SNX29: variants seen among roughly 807,000 people sequenced by gnomAD.
The protein encoded by SNX29 is sorting nexin-29.
SNX29 carries 78 observed loss-of-function variants against 102.1 expected under a neutral mutation model. The observed-to-expected ratio is 0.76, with a 90% CI of 0.64 to 0.92. SNX29 has a LOEUF of 0.92. Among genes scored for constraint, SNX29 ranks in the 40% least tolerant of loss-of-function variants. The probability of loss-of-function intolerance (pLI) is 0.00; values close to 1 mark genes in which losing one functional copy is unlikely to be tolerated. For synonymous variants in SNX29, 580 were observed against 414.5 expected, an observed-to-expected ratio of 1.40 and a Z score of -4.85; for missense variants, 1,280 against 1,061.7, an observed-to-expected ratio of 1.21 and a Z score of -2.86.
At chr16:12,154,360 G>A (rs532300632) in intron 13 of SNX29, among the ~76,000 whole-genome samples, 3 of 152,184 alleles carry the variant, frequency 2.0e-5, no homozygotes. Flanking sequence ...CCCACAGTGG[G>A]AGCTGGCTTC....
intron 13 of SNX29, among the ~76,000 whole-genome samples, chr16:12,156,465 C>G (rs939946805): frequency 6.6e-6 from 1 of 152,206 alleles, no homozygotes; most frequent in Non-Finnish European, 1.5e-5. Context: ...GCCTTGTTGG[C>G]CCAGCCCTCT....
intron 16 of SNX29, among the ~76,000 whole-genome samples, chr16:12,381,894 C>G (rs1028602848): frequency 6.7e-6 from 1 of 149,694 alleles, no homozygotes; most frequent in Admixed American, 6.7e-5. Flanking sequence ...CATTCACCCC[C>G]ACTCCCGTCA....
chr16:12,037,097 G>C (rs2057496960), intron 4 of SNX29, among the ~76,000 whole-genome samples: 1 of 152,064 alleles, frequency 6.6e-6, no homozygotes, highest in Non-Finnish European at 1.5e-5. Context: ...GATGATGAGA[G>C]ATCCTACTTC....
At chr16:12,562,189 G>C (rs909792739) in intron 20 of SNX29, among the ~76,000 whole-genome samples, 2 of 152,132 alleles carry the variant, frequency 1.3e-5, no homozygotes, top group Non-Finnish European at 1.5e-5. Flanking sequence ...TGAGCATAGG[G>C]TTCACAGAGG....
chr16:12,046,775 A>C (rs979626757), intron 6 of SNX29, among the ~76,000 whole-genome samples: 2 of 152,090 alleles, frequency 1.3e-5, no homozygotes, highest in African/African-American at 4.8e-5. Flanking sequence ...GCCTGCCACC[A>C]TGACCAGCTA....
intron 13 of SNX29, among the ~76,000 whole-genome samples, chr16:12,192,868 AT>A (rs1419830302): frequency 2.0e-5 from 3 of 151,976 alleles, no homozygotes; most frequent in African/African-American, 7.3e-5. Flanking sequence ...TGCCCAGATA[AT>A]TTTTGTATAT....
rs1413092395 is a variant in SNX29, at chr16:12,398,509, C to T, written c.1955+8C>T. On this transcript the variant is annotated splice_region_variant and intron_variant, in intron 17 of 20. Transcript: ENST00000566228. ...TTTGTCGGATTTTGAAATGTAAGTC[C>T]ACAGCCTGTGCTCACAAGGGGTCCT... is the stretch of plus-strand genomic sequence containing the variant. 3 of 1,613,906 alleles carry T rather than the reference C, an allele frequency of 1.9e-6. No homozygotes were observed. Among genetic ancestry groups the T allele is most frequent in the African/African-American group, 2.7e-5 (2 of 75,004 alleles).
intron 20 of SNX29, chr16:12,526,799 C>A: frequency 7.3e-6 from 3 of 410,472 alleles, no homozygotes; most frequent in South Asian, 6.9e-5. Flanking sequence ...GCGGGGTCCA[C>A]AGCCCAGGCA....
intron 14 of SNX29, among the ~76,000 whole-genome samples, chr16:12,213,779 C>A (rs929917198): frequency 6.6e-6 from 1 of 151,232 alleles, no homozygotes; most frequent in Non-Finnish European, 1.5e-5. Flanking sequence ...TTAAGTAAAC[C>A]CTGAACAGGT....
rs140096894 is a variant in SNX29 at position 12,472,940 on chromosome 16, G to C, written c.2038-4779G>C. ...TTTAATCTTCTTTTGCTGAGTCAAG[G>C]AGATCCGACATAAAGTGGCTTTTTA... On this transcript the variant is annotated intron_variant, in intron 18 of 20. Coordinates refer to ENST00000566228, the MANE Select transcript of SNX29 (RefSeq NM_032167.5). 6.6e-5 allele frequency among the ~76,000 whole-genome samples: 10 copies of C among 152,210 alleles called. No homozygotes were observed. In the East Asian group the frequency reaches 1.7e-3, roughly 27 times the overall value.
At chr16:12,022,660 C>G (rs1217377923) in intron 3 of SNX29, among the ~76,000 whole-genome samples, 1 of 152,116 alleles carries the variant, frequency 6.6e-6, no homozygotes, top group East Asian at 1.9e-4. Context: ...AAATGACTTT[C>G]TGTTTCTATA....
chr16:12,117,131 G>A (rs1704115), intron 11 of SNX29, among the ~76,000 whole-genome samples: 10,895 of 41,002 alleles, frequency 0.27, 481 homozygotes, highest in East Asian at 0.48. Flanking sequence ...GGAAACAGGC[G>A]TGGTCAATAC....
intron 11 of SNX29, among the ~76,000 whole-genome samples, chr16:12,102,325 C>A (rs2053057878): frequency 6.6e-6 from 1 of 152,156 alleles, no homozygotes; most frequent in South Asian, 2.1e-4. Flanking sequence ...GGTTCTAGAT[C>A]CTTGAGGAAT....
At chr16:12,339,205 T>C (rs895382717) in intron 15 of SNX29, among the ~76,000 whole-genome samples, 3 of 151,860 alleles carry the variant, frequency 2.0e-5, no homozygotes, top group South Asian at 4.2e-4. Flanking sequence ...CCGTCTCTAC[T>C]AAAAATATAA....
intron 19 of SNX29, among the ~76,000 whole-genome samples, chr16:12,523,702 C>G (rs1220023566): frequency 1.3e-5 from 2 of 152,006 alleles, no homozygotes; most frequent in African/African-American, 4.8e-5. Flanking sequence ...CAAACACCAA[C>G]CAGACACAGG....
intron 13 of SNX29, among the ~76,000 whole-genome samples, chr16:12,167,270 T>C (rs2076037778): frequency 6.6e-6 from 1 of 152,040 alleles, no homozygotes; most frequent in Non-Finnish European, 1.5e-5. Context: ...AGAGCTGGAG[T>C]CACCTGATGG....
intron 16 of SNX29, among the ~76,000 whole-genome samples, chr16:12,380,637 A>G (rs2083059219): frequency 1.1e-5 from 1 of 89,106 alleles, no homozygotes; most frequent in Non-Finnish European, 2.2e-5. Flanking sequence ...CCCACCATCC[A>G]TCCATCCACC....
At chr16:12,432,278 A>G (rs1025008298) in intron 18 of SNX29, among the ~76,000 whole-genome samples, 1 of 152,198 alleles carries the variant, frequency 6.6e-6, no homozygotes, top group Non-Finnish European at 1.5e-5. Context: ...CTGTTTGTAT[A>G]TCTTGTATTC....
intron 20 of SNX29, among the ~76,000 whole-genome samples, chr16:12,562,722 T>C (rs2078798208): frequency 6.6e-6 from 1 of 152,342 alleles, no homozygotes; most frequent in East Asian, 1.9e-4. Flanking sequence ...ACCGTGGTAC[T>C]GTTTCTCGCT....
Sources: allele counts gnomAD v4.1 joint callset (sites outside exome capture counted in the v4.1 genomes callset), GRCh38; gene constraint gnomAD v4.1.1; transcripts MANE v1.5; gene names NCBI Gene and HGNC (gene_info 2026-07-23, HGNC 2026-07-21).